The following KCNH8 variants were observed in gnomAD, a reference collection of about 807,000 sequenced individuals.
KCNH8 encodes the protein potassium voltage-gated channel subfamily H member 8.
Under a neutral mutation model 103.6 loss-of-function variants are expected in KCNH8, and 70 were observed. The observed-to-expected ratio is 0.68, with a 90% CI of 0.56 to 0.82. The LOEUF (loss-of-function observed/expected upper bound fraction) is 0.82, where lower values mean the gene tolerates loss of function less well. KCNH8 is among the 40% of genes least tolerant of loss of function. The probability of loss-of-function intolerance (pLI) is 0.00; values close to 1 mark genes in which losing one functional copy is unlikely to be tolerated. For missense variants in KCNH8, 1,217 were observed against 1,329.9 expected (o/e 0.92, Z 1.32); for synonymous variants, 498 against 489.4 (o/e 1.02, Z -0.23).
At chr3:19,476,690 C>T (rs1418548526) in intron 11 of KCNH8, among the ~76,000 whole-genome samples, 2 of 152,220 alleles carry the variant, frequency 1.3e-5, no homozygotes, top group Middle Eastern at 3.4e-3. Context: ...AAAACTCTTA[C>T]ATCATTGCTG....
At chr3:19,307,529 C>G (rs1414430249) in intron 3 of KCNH8, among the ~76,000 whole-genome samples, 1 of 151,888 alleles carries the variant, frequency 6.6e-6, no homozygotes, top group Non-Finnish European at 1.5e-5. Flanking sequence ...TCCAGCAATC[C>G]CACTCCTGGG....
intron 1 of KCNH8, among the ~76,000 whole-genome samples, chr3:19,153,635 C>CTTTTTTTTTTTTTTTTTTTTTT (rs773828081): frequency 7.8e-6 from 1 of 128,914 alleles, no homozygotes; most frequent in Non-Finnish European, 1.7e-5. Flanking sequence ...TTTCTTTTTT[C>CTTTTTTTTTTTTTTTTTTTTTT]TTTTTTTTTT....
chr3:19,195,644 AGAG>A (rs1188547080), intron 1 of KCNH8, among the ~76,000 whole-genome samples: 4 of 151,958 alleles, frequency 2.6e-5, no homozygotes, highest in Admixed American at 1.3e-4. Context: ...CTACAAAAGC[AGAG>A]GAGAAGATAC....
At chr3:19,440,571 C>T (rs1038981668) in intron 8 of KCNH8, among the ~76,000 whole-genome samples, 1 of 152,066 alleles carries the variant, frequency 6.6e-6, no homozygotes, top group Non-Finnish European at 1.5e-5. Context: ...ATCAGGAGAA[C>T]AGCACAGGAA....
chr3:19,359,184 C>A (rs181511758), intron 5 of KCNH8, among the ~76,000 whole-genome samples: 2 of 151,820 alleles, frequency 1.3e-5, no homozygotes, highest in African/African-American at 4.8e-5. Flanking sequence ...GAAAAAAGAT[C>A]TGTTATGTAA....
At chr3:19,316,357 G>A (rs1213751342) in intron 3 of KCNH8, among the ~76,000 whole-genome samples, 2 of 151,780 alleles carry the variant, frequency 1.3e-5, no homozygotes, top group Admixed American at 6.6e-5. Context: ...CCCCTTAGTG[G>A]TAAAATCTCC....
chr3:19,497,951 T>A (rs1444428539), intron 11 of KCNH8, among the ~76,000 whole-genome samples: 2 of 152,190 alleles, frequency 1.3e-5, no homozygotes, highest in Non-Finnish European at 2.9e-5. Flanking sequence ...TTTAGGATAG[T>A]TAGGTCTTCT....
intron 15 of KCNH8, among the ~76,000 whole-genome samples, chr3:19,518,725 C>T (rs973925234): frequency 2.0e-5 from 3 of 152,014 alleles, no homozygotes; most frequent in Admixed American, 1.3e-4. Context: ...CTCTTATACT[C>T]ATTTTACAGT....
intron 7 of KCNH8, among the ~76,000 whole-genome samples, chr3:19,413,148 A>G (rs529487611): frequency 1.1e-5 from 1 of 90,644 alleles, no homozygotes; most frequent in East Asian, 2.3e-4. Context: ...GATTGGATAA[A>G]GAAAATGTAG....
chr3:19,352,061 A>C (rs555577373), intron 5 of KCNH8, among the ~76,000 whole-genome samples: 33 of 152,312 alleles, frequency 2.2e-4, no homozygotes, highest in Non-Finnish European at 4.3e-4. Context: ...GCAAATGGAA[A>C]ACAAAAAAAA....
intron 2 of KCNH8, among the ~76,000 whole-genome samples, chr3:19,276,848 A>G (rs12497947): frequency 0.014 from 2,079 of 152,256 alleles, 20 homozygotes; most frequent in South Asian, 0.022. Context: ...CAGCAATTCC[A>G]TTACCATGTA....
chr3:19,479,042 T>C (rs2068032281), intron 11 of KCNH8, among the ~76,000 whole-genome samples: 1 of 152,186 alleles, frequency 6.6e-6, no homozygotes, highest in Non-Finnish European at 1.5e-5. Context: ...AGAATTAATA[T>C]GTTTCTTAAG....
At chr3:19,288,199 T>C (rs1001943059) in intron 3 of KCNH8, among the ~76,000 whole-genome samples, 4 of 143,620 alleles carry the variant, frequency 2.8e-5, no homozygotes, top group African/African-American at 1.1e-4. Flanking sequence ...TTTTTTTTTT[T>C]TTTTTTTTTT....
intron 7 of KCNH8, among the ~76,000 whole-genome samples, chr3:19,428,290 A>T (rs1282170848): frequency 6.6e-6 from 1 of 152,168 alleles, no homozygotes; most frequent in Non-Finnish European, 1.5e-5. Flanking sequence ...CAACAAAACA[A>T]ATCAATGCCA....
chr3:19,193,541 C>G (rs1019727035), intron 1 of KCNH8, among the ~76,000 whole-genome samples: 1 of 151,410 alleles, frequency 6.6e-6, no homozygotes, highest in Admixed American at 6.6e-5. Flanking sequence ...CCTTTGTTTC[C>G]GTGCAAAGAT....
At chr3:19,489,726 C>T (rs1216126559) in intron 11 of KCNH8, among the ~76,000 whole-genome samples, 2 of 152,068 alleles carry the variant, frequency 1.3e-5, no homozygotes, top group Non-Finnish European at 1.5e-5. Flanking sequence ...ACCACACTCA[C>T]ACCACAAAAC....
intron 11 of KCNH8, among the ~76,000 whole-genome samples, chr3:19,493,728 C>T (rs1162035762): frequency 6.6e-6 from 1 of 151,826 alleles, no homozygotes; most frequent in Non-Finnish European, 1.5e-5. Context: ...TTGGCTGTGG[C>T]TTTATTATTG....
At position 19,155,868 on chromosome 3, in the gene KCNH8, C is replaced by T. The variant is rs79743471; in HGVS notation, c.76+7073C>T. Among the ~76,000 whole-genome samples, 1,400 of 152,262 alleles carry T rather than the reference C, an allele frequency of 9.2e-3. 18 individuals carry two copies. Among genetic ancestry groups the T allele is most frequent in the African/African-American group, 0.029 (1,203 of 41,540 alleles). On this transcript the variant is annotated intron_variant, in intron 1 of 15. Coordinates refer to ENST00000328405, the MANE Select transcript of KCNH8 (RefSeq NM_144633.3). ...TTATATGCTTTCATATTTTAACACTCGACCATGAACTCCTTGAAGCCTTAA... is the reference window on the plus strand; with the variant it reads ...TTATATGCTTTCATATTTTAACACTTGACCATGAACTCCTTGAAGCCTTAA...
At chr3:19,375,511 A>T (rs1447142913) in intron 5 of KCNH8, among the ~76,000 whole-genome samples, 1 of 148,634 alleles carries the variant, frequency 6.7e-6, no homozygotes, top group Admixed American at 6.7e-5. Flanking sequence ...ATTCTTCTAA[A>T]TTTTTTTCAA....
Sources: gnomAD v4.1 joint callset for allele counts (sites outside exome capture counted in the v4.1 genomes callset) on GRCh38, gnomAD v4.1.1 for gene constraint, MANE v1.5 for transcripts, NCBI Gene and HGNC (gene_info 2026-07-23, HGNC 2026-07-21) for gene names.